Variants in GEMIN5 observed in about 807,000 individuals in gnomAD.
The protein encoded by GEMIN5 is gem nuclear organelle associated protein 5.
Under a neutral mutation model 176.9 loss-of-function variants are expected in GEMIN5, and 124 were observed. That is an observed-to-expected ratio of 0.70 (90% CI 0.61 to 0.81). The LOEUF (loss-of-function observed/expected upper bound fraction) is 0.81. Ranked by LOEUF, GEMIN5 falls within the 40% of genes least tolerant of loss-of-function variation. The pLI is 0.00. For synonymous variants in GEMIN5, 673 were observed against 665.2 expected (o/e 1.01, Z -0.18); for missense variants, 1,843 against 1,814.6 (o/e 1.02, Z -0.28).
chr5:154,927,175 T>C (rs1167494390), intron 7 of GEMIN5, among the ~76,000 whole-genome samples: 4 of 152,214 alleles, frequency 2.6e-5, no homozygotes, highest in Admixed American at 1.3e-4. Flanking sequence ...TTATTATGTC[T>C]GCTTTAACAA....
intron 5 of GEMIN5, among the ~76,000 whole-genome samples, chr5:154,928,976 C>A (rs932434586): frequency 3.3e-5 from 5 of 151,792 alleles, no homozygotes; most frequent in African/African-American, 9.7e-5. Flanking sequence ...GTAATCCCAG[C>A]ACTTTGAGAG....
chr5:154,925,819 G>A (rs370874324), intron 8 of GEMIN5, 43 bp downstream of exon 8: 14 of 1,010,812 alleles, frequency 1.4e-5, no homozygotes, highest in Non-Finnish European at 1.8e-5. Context: ...GAATTATTTG[G>A]AAAAAAAAAA....
chr5:154,907,158 C>A (rs1317264895), intron 16 of GEMIN5, among the ~76,000 whole-genome samples: 1 of 152,098 alleles, frequency 6.6e-6, no homozygotes, highest in African/African-American at 2.4e-5. Flanking sequence ...GTACAAACTC[C>A]ACGTAAGGGG....
At chr5:154,910,403 G>A (rs991807581) in intron 15 of GEMIN5, among the ~76,000 whole-genome samples, 15 of 152,084 alleles carry the variant, frequency 9.9e-5, no homozygotes, top group East Asian at 3.9e-4. Context: ...CTCCTGCCTC[G>A]GCATCCCAAA....
At chr5:154,892,244 A>T (rs1763244933) in intron 25 of GEMIN5, 143 bp downstream of exon 25, 2 of 682,450 alleles carry the variant, frequency 2.9e-6, no homozygotes, top group East Asian at 5.5e-5. Context: ...AAGCTTCGGT[A>T]AGAGAATCCA....
chr5:154,924,906 G>A (rs1364596505), intron 8 of GEMIN5, among the ~76,000 whole-genome samples: 1 of 151,852 alleles, frequency 6.6e-6, no homozygotes, highest in Non-Finnish European at 1.5e-5. Context: ...GGAGAAAGGC[G>A]TGAACCCGGG....
chr5:154,913,659 A>T (rs1763751789), intron 13 of GEMIN5, among the ~76,000 whole-genome samples: 1 of 152,054 alleles, frequency 6.6e-6, no homozygotes, highest in South Asian at 2.1e-4. Flanking sequence ...TAAAAAAAAA[A>T]TACAAAAATT....
At chr5:154,906,125 G>A (rs1472855131) in intron 16 of GEMIN5, among the ~76,000 whole-genome samples, 1 of 152,070 alleles carries the variant, frequency 6.6e-6, no homozygotes, top group African/African-American at 2.4e-5. Flanking sequence ...GCCTCCCAGA[G>A]TGGCTAGGAC....
In GEMIN5 at chr5:154,891,332, T is replaced by G; in HGVS notation, c.4171A>C (p.Ser1391Arg). The G allele has an allele frequency of 6.2e-7, 1 of 1,614,078 alleles. No homozygotes were observed. Among genetic ancestry groups the G allele is most frequent in the Non-Finnish European group, 8.5e-7 (1 of 1,179,960 alleles). ...LAEMIRQHQK[S>R]QLCKSTANGP... ...TTTGCTGTGGATTTACAGAGTTGACTCTTTTGGTGTTGTCGGATCATTTCT... is the reference window on the plus strand; with the variant it reads ...TTTGCTGTGGATTTACAGAGTTGACGCTTTTGGTGTTGTCGGATCATTTCT... Residue 1391 changes from serine (S) to arginine (R), a missense_variant, in exon 26 of 28, where the codon AGT (serine) becomes CGT (arginine). Physicochemically the swap from Ser to Arg is moderately radical, Grantham distance 110. Coordinates refer to ENST00000285873, the MANE Select transcript of GEMIN5 (RefSeq NM_015465.5).
chr5:154,901,982 T>C (rs1415668475), intron 20 of GEMIN5, among the ~76,000 whole-genome samples: 1 of 152,130 alleles, frequency 6.6e-6, no homozygotes, highest in Admixed American at 6.5e-5. Flanking sequence ...TTAATTTTTT[T>C]GTAGAGATGG....
At position 154,921,394 on chromosome 5, in the gene GEMIN5, T is replaced by A. The variant is rs1379019745; in HGVS notation, c.1411A>T (p.Lys471Ter). 3.4e-6 allele frequency: 5 copies of A among 1,483,614 alleles called. No individual in the cohort carries two copies. The highest frequency in any genetic ancestry group is 4.6e-6 in the Non-Finnish European group (5 of 1,080,564). The allele number at this position is 1,483,614 out of a possible 1,614,324, so 91.9% of individuals were successfully genotyped here. ...CCCCAGGCTAAAGTATATACAGTCT[T>A]CTTATGATATGTGCTAGAAATCTGT... The part of the protein sequence containing the change: ...PPQISSTYHK[K>*]TVYTLAWGPP... The change falls in exon 10 of 28, where the codon AAG (lysine) becomes TAG (stop). Residue 471 changes from lysine (K) to a stop codon, truncating the protein, a stop_gained. Coordinates refer to ENST00000285873, the MANE Select transcript of GEMIN5 (RefSeq NM_015465.5). LOFTEE classifies it high-confidence loss of function.
chr5:154,904,813 C>T (rs1025244139), intron 17 of GEMIN5, among the ~76,000 whole-genome samples, 184 bp from the exon 18 acceptor site: 3 of 152,164 alleles, frequency 2.0e-5, no homozygotes, highest in Non-Finnish European at 2.9e-5. Context: ...CACACAAAAA[C>T]GCTCTTGCTA....
At chr5:154,913,923 T>C (rs886350795) in intron 13 of GEMIN5, among the ~76,000 whole-genome samples, 2 of 152,030 alleles carry the variant, frequency 1.3e-5, no homozygotes, top group East Asian at 1.9e-4. Context: ...ACGGCTTGAG[T>C]CCAGGAATTG....
intron 5 of GEMIN5, among the ~76,000 whole-genome samples, chr5:154,930,926 T>C (rs1290679900): frequency 6.6e-6 from 1 of 152,224 alleles, no homozygotes; most frequent in South Asian, 2.1e-4. Flanking sequence ...TTCTATGATA[T>C]ACTATAAATA....
chr5:154,937,139 TGTGAA>T lies in GEMIN5; in HGVS notation c.208_212del (p.Phe70IlefsTer59). On this transcript the variant is annotated frameshift_variant, in exon 2 of 28. Transcript: ENST00000285873. LOFTEE classifies it high-confidence loss of function. ...TGTACTGACCAGGGTGATGAGAAAA[TGTGAA>T]GCCAGAGACCCTTTCGGTGTGTCCC... 1 of 1,613,586 alleles carries T rather than the reference TGTGAA, an allele frequency of 6.2e-7. No individual in the cohort carries two copies. Among genetic ancestry groups the T allele is most frequent in the South Asian group, 1.1e-5 (1 of 91,022 alleles).
intron 17 of GEMIN5, among the ~76,000 whole-genome samples, 158 bp from the exon 18 acceptor site, chr5:154,904,787 G>T (rs1224591337): frequency 6.6e-6 from 1 of 152,058 alleles, no homozygotes; most frequent in Non-Finnish European, 1.5e-5. Context: ...ATTTGCTGGG[G>T]GCATTGTTCA....
Position 154,908,283 on chromosome 5 carries a change from C to T in GEMIN5, c.2168-465G>A, listed in dbSNP as rs542616249. Among the ~76,000 whole-genome samples the T allele has an allele frequency of 4.8e-5, 7 of 145,560 alleles. No individual in the cohort carries two copies. The South Asian group carries it at 9.1e-4, about 19-fold the overall frequency. On this transcript the variant is annotated intron_variant, in intron 15 of 27. Coordinates refer to ENST00000285873, the MANE Select transcript of GEMIN5 (RefSeq NM_015465.5). ...GCAACTTCTGCCTCCCAGGTTCAAG[C>T]GATTCTCCTGCTTCAGCCTCCTGAG... is the stretch of plus-strand genomic sequence containing the variant.
chr5:154,923,641 A>G (rs998173580), intron 9 of GEMIN5, among the ~76,000 whole-genome samples: 1 of 152,238 alleles, frequency 6.6e-6, no homozygotes, highest in African/African-American at 2.4e-5. Flanking sequence ...ATATGTCATA[A>G]AACATTCTTT....
chr5:154,934,634 C>T (rs1201255190), intron 3 of GEMIN5, among the ~76,000 whole-genome samples: 1 of 152,116 alleles, frequency 6.6e-6, no homozygotes, highest in African/African-American at 2.4e-5. Flanking sequence ...TTTAAAAATA[C>T]CCGTACGCCC....
Sources: allele counts gnomAD v4.1 joint callset (sites outside exome capture counted in the v4.1 genomes callset), GRCh38; gene constraint gnomAD v4.1.1; transcripts MANE v1.5; gene names NCBI Gene and HGNC (gene_info 2026-07-23, HGNC 2026-07-21).